The following MYOM1 variants were observed in gnomAD, a reference collection of about 807,000 sequenced individuals.
MYOM1 encodes myomesin 1.
MYOM1 carries 164 observed loss-of-function variants against 205.3 expected under a neutral mutation model. The observed-to-expected ratio is 0.80, with a 90% confidence interval of 0.70 to 0.91. The LOEUF is 0.91. Ranked by LOEUF, MYOM1 falls within the 40% of genes least tolerant of loss-of-function variation. The pLI, the probability that MYOM1 is intolerant of heterozygous loss-of-function variation, is 0.00. For synonymous variants in MYOM1, 772 were observed against 789.4 expected, an observed-to-expected ratio of 0.98 and a Z score of 0.37; for missense variants, 2,011 against 2,127.3, an observed-to-expected ratio of 0.95 and a Z score of 1.08.
At position 3,215,090 on chromosome 18, in the gene MYOM1, G is replaced by A; in HGVS notation, c.134C>T (p.Ala45Val). 1.9e-6 allele frequency: 3 copies of A among 1,613,634 alleles called. No homozygotes were observed. In the South Asian group the frequency reaches 3.3e-5, roughly 18 times the overall value. The change falls in exon 2 of 38, where the codon GCC becomes GTC. Residue 45 changes from alanine to valine, a missense_variant. Physicochemically the swap from Ala to Val is moderately conservative, Grantham distance 64. Coordinates refer to ENST00000356443, the MANE Select transcript of MYOM1 (RefSeq NM_003803.4). ...CGCGGCGGAGGAGCGGCTGCTGTAG[G>A]CCGTGGAGCCCTGGGTGTAGACGGC... ...RSAVYTQGST[A>V]YSSRSSAAHR... is the part of the protein sequence containing the mutation.
chr18:3,130,231 C>T (rs1404331173), intron 17 of MYOM1, among the ~76,000 whole-genome samples: 1 of 151,712 alleles, frequency 6.6e-6, no homozygotes, highest in African/African-American at 2.4e-5. Context: ...TCAGTAGAGA[C>T]AGGGTTTAGC....
intron 10 of MYOM1, among the ~76,000 whole-genome samples, chr18:3,156,470 A>G (rs1239732062): frequency 2.0e-5 from 3 of 152,246 alleles, no homozygotes; most frequent in African/African-American, 7.2e-5. Context: ...GTGAACCAGC[A>G]GGAAAGCATC....
Position 3,085,052 on chromosome 18 carries a change from C to T in MYOM1, c.4332G>A (p.Val1444=). Residue 1444 remains valine, a synonymous_variant, in exon 31 of 38, where the codon GTG becomes GTA. Transcript: ENST00000356443. ...AGCAGTTGGTGGACTGACCTTCATC[C>T]ACAAGCTTCAGTCTGCTCTTATCTT... ...RGKDKSRLKL[V]DEAFKELMME... The T allele has an allele frequency of 6.2e-7, 1 of 1,603,930 alleles. No individual in the cohort carries two copies. Among genetic ancestry groups the T allele is most frequent in the Non-Finnish European group, 8.5e-7 (1 of 1,174,798 alleles).
intron 16 of MYOM1, 111 bp from the exon 17 acceptor site, chr18:3,131,607 T>C: frequency 1.0e-6 from 1 of 987,030 alleles, no homozygotes; most frequent in South Asian, 1.8e-5. Flanking sequence ...TTTTTTTTTA[T>C]TGTGATTTAT....
intron 5 of MYOM1, among the ~76,000 whole-genome samples, chr18:3,182,115 A>C (rs1039859004): frequency 1.3e-5 from 2 of 152,196 alleles, no homozygotes; most frequent in African/African-American, 4.8e-5. Flanking sequence ...ATATGAAAAC[A>C]TGAGTGCCGA....
At position 3,112,307 on chromosome 18, in the gene MYOM1, T is replaced by A. The variant is rs2143800832; in HGVS notation, c.3409A>T (p.Thr1137Ser). Residue 1137 changes from threonine to serine, a missense_variant, in exon 22 of 38, where the codon ACC becomes TCC. Thr to Ser is a moderately conservative substitution (Grantham distance 58). Transcript: ENST00000356443. ...SDLAGPVVAE[T>S]RPGTKEVVVN... ...AAAGGTGAAAGCCCACCTGGACGGGTCTCTGCCACAACAGGGCCAGCAAGG... is the reference window on the plus strand; with the variant it reads ...AAAGGTGAAAGCCCACCTGGACGGGACTCTGCCACAACAGGGCCAGCAAGG... The A allele has an allele frequency of 1.2e-6, 2 of 1,613,106 alleles. No individual in the cohort carries two copies.
Position 3,067,387 on chromosome 18 carries a change from C to T in MYOM1, c.4933G>A (p.Gly1645Arg), listed in dbSNP as rs765682686. The T allele has an allele frequency of 8.1e-6, 13 of 1,613,124 alleles. No homozygotes were observed. The Admixed American group carries it at 8.3e-5, about 10-fold the overall frequency. ...CCATACTTGTTCTTCACAACCAGCC[C>T]GTATTTGCCCGAGTCAGCGGTGCTC... ...GVSTADSGKY[G>R]LVVKNKYGSE... Residue 1645 changes from glycine (G) to arginine (R), a missense_variant, in exon 38 of 38, where the codon GGG becomes AGG. Gly to Arg is a moderately radical substitution (Grantham distance 125, BLOSUM62 -2). Transcript: ENST00000356443.
At chr18:3,092,175 GA>G (rs1038038422) in intron 26 of MYOM1, among the ~76,000 whole-genome samples, 8 of 151,572 alleles carry the variant, frequency 5.3e-5, no homozygotes, top group East Asian at 2.0e-4. Context: ...ACTAATACAT[GA>G]AAAAAAATGC....
intron 10 of MYOM1, among the ~76,000 whole-genome samples, chr18:3,159,910 C>T (rs796726898): frequency 3.5e-4 from 37 of 106,326 alleles, no homozygotes; most frequent in East Asian, 6.8e-4. Flanking sequence ...TCCTTCCTTC[C>T]TTCCTTCCTT....
At chr18:3,197,729 T>C (rs533406641) in intron 2 of MYOM1, among the ~76,000 whole-genome samples, 1,552 of 150,336 alleles carry the variant, frequency 0.01, 23 homozygotes, top group African/African-American at 0.023. Flanking sequence ...AAAAATTAGC[T>C]GGGCATGGTG....
chr18:3,217,185 C>T (rs1052230104), intron 1 of MYOM1: 15 of 152,422 alleles, frequency 9.8e-5, no homozygotes, highest in Admixed American at 6.5e-4. Flanking sequence ...CAGTCCATGG[C>T]GCTTAGCTAT....
chr18:3,206,319 C>T (rs908240087), intron 2 of MYOM1, among the ~76,000 whole-genome samples: 1 of 152,180 alleles, frequency 6.6e-6, no homozygotes, highest in Non-Finnish European at 1.5e-5. Flanking sequence ...GTACTGTTCA[C>T]ATATATGCGA....
intron 11 of MYOM1, among the ~76,000 whole-genome samples, chr18:3,153,974 T>G (rs1180854634): frequency 6.6e-6 from 1 of 152,212 alleles, no homozygotes; most frequent in East Asian, 1.9e-4. Context: ...ACTATAAATA[T>G]CAGAGCCTCT....
intron 33 of MYOM1, among the ~76,000 whole-genome samples, chr18:3,082,098 C>T (rs903594445): frequency 1.3e-5 from 2 of 152,210 alleles, no homozygotes; most frequent in African/African-American, 2.4e-5. Context: ...CAATAGGGTT[C>T]GCGCTCCTAT....
the MYOM1 span, among the ~76,000 whole-genome samples, chr18:3,239,022 C>T: frequency 6.6e-6 from 1 of 152,184 alleles, no homozygotes; most frequent in African/African-American, 2.4e-5. Flanking sequence ...AACCTCATTC[C>T]ATCTTCTCCC....
intron 36 of MYOM1, among the ~76,000 whole-genome samples, chr18:3,072,973 A>T (rs868754494): frequency 0.021 from 2,166 of 102,440 alleles, 36 homozygotes; most frequent in South Asian, 0.091. Flanking sequence ...AGATGTAAGC[A>T]TTTTTTTTTT....
chr18:3,074,145 T>C (rs1049431218), intron 36 of MYOM1, among the ~76,000 whole-genome samples: 5 of 152,186 alleles, frequency 3.3e-5, no homozygotes, highest in African/African-American at 1.2e-4. Flanking sequence ...AAACTGCTTG[T>C]GGATGTAGGC....
intron 10 of MYOM1, among the ~76,000 whole-genome samples, chr18:3,162,356 G>A (rs1411468372): frequency 6.6e-6 from 1 of 152,118 alleles, no homozygotes; most frequent in African/African-American, 2.4e-5. Flanking sequence ...GACCACACCT[G>A]TAACTTACAG....
rs2079948153 is a variant in MYOM1 at position 3,135,709 on chromosome 18, A to C, written c.2047T>G (p.Trp683Gly). 6.2e-7 allele frequency: 1 copy of C among 1,613,820 alleles called. No homozygotes were observed. The highest frequency in any genetic ancestry group is 1.7e-5 in the Admixed American group (1 of 59,992). ...GGGAGCTCCGTGTTCACTCGCTGCC[A>C]GTTTTCTGTTCCTGCCTCACACTGC... Reference protein sequence around the residue: ...VEKCEAGTENWQRVNTELPVK... With the variant: ...VEKCEAGTENGQRVNTELPVK... The change falls in exon 15 of 38, where the codon TGG becomes GGG. Residue 683 changes from tryptophan to glycine, a missense_variant. By Grantham distance (184) the Trp-to-Gly change is radical. Transcript: ENST00000356443. This position sits in a 1 kb window ranked among gnomAD's most constrained non-coding sequence, Gnocchi z 4.1.
Sources: allele counts gnomAD v4.1 joint callset (sites outside exome capture counted in the v4.1 genomes callset), GRCh38; gene constraint gnomAD v4.1.1; non-coding constraint Gnocchi (gnomAD v3.1); transcripts MANE v1.5; gene names NCBI Gene and HGNC (gene_info 2026-07-23, HGNC 2026-07-21).